Variants in SPTBN1 observed in about 807,000 individuals in gnomAD.
The protein encoded by SPTBN1 is spectrin beta chain, non-erythrocytic 1.
In SPTBN1, 32 loss-of-function variants were observed where a neutral mutation model predicts 266.4. The ratio of observed to expected loss-of-function variants is 0.12; its 90% confidence interval spans 0.09 to 0.16. SPTBN1 has a LOEUF of 0.16. Among genes scored for constraint, SPTBN1 ranks in the 10% least tolerant of loss-of-function variants. SPTBN1 has a pLI of 1.00. For synonymous variants in SPTBN1, 1,336 were observed against 1,162.2 expected (o/e 1.15, Z -3.04); for missense variants, 2,296 against 3,067.1 (o/e 0.75, Z 5.94).
intron 32 of SPTBN1, chr2:54,662,004 C>T: frequency 1.0e-6 from 1 of 985,410 alleles, no homozygotes. Context: ...ACTCAGTGAA[C>T]TTGAAAATAG....
In SPTBN1 at chr2:54,628,938, A is replaced by G; in HGVS notation, c.1804A>G (p.Lys602Glu). 6.3e-7 allele frequency: 1 copy of G among 1,596,886 alleles called. No individual in the cohort carries two copies. The highest frequency in any genetic ancestry group is 8.5e-7 in the Non-Finnish European group (1 of 1,171,480). The change falls in exon 14 of 36, where the codon AAG (lysine) becomes GAG (glutamate). Residue 602 changes from lysine to glutamate, a missense_variant. Lys to Glu is a moderately conservative substitution (Grantham distance 56). This residue lies in a region of SPTBN1 where 434 missense variants were observed against 573.9 expected (regional missense o/e 0.76). Transcript: ENST00000356805. The surrounding 1 kb of genome is among the most constrained non-coding windows in gnomAD (Gnocchi z 4.3). Reference protein sequence around the residue: ...QKFATDGEGYKPCDPQVIRDR... With the variant: ...QKFATDGEGYEPCDPQVIRDR... The stretch of plus-strand genomic sequence containing the variant: ...CCTTCCTTGATGTTAAACAGGTTAC[A>G]AGCCCTGTGACCCCCAGGTGATCCG...
intron 2 of SPTBN1, among the ~76,000 whole-genome samples, chr2:54,568,552 C>G (rs1196085395): frequency 6.6e-6 from 1 of 152,036 alleles, no homozygotes; most frequent in Non-Finnish European, 1.5e-5. Flanking sequence ...TAGTATTGCT[C>G]TAGAAGATTA....
chr2:54,604,733 G>T (rs1676722714), intron 3 of SPTBN1, among the ~76,000 whole-genome samples: 1 of 152,148 alleles, frequency 6.6e-6, no homozygotes, highest in African/African-American at 2.4e-5. Flanking sequence ...GGCTGGTAAA[G>T]GTTTAGGACT....
chr2:54,477,508 G>A (rs1204468654), intron 1 of SPTBN1, among the ~76,000 whole-genome samples: 3 of 150,850 alleles, frequency 2.0e-5, no homozygotes, highest in African/African-American at 7.3e-5. Context: ...TTTCCTTTGT[G>A]AGTAAACAGG....
chr2:54,499,915 A>G (rs1669160950), intron 1 of SPTBN1, among the ~76,000 whole-genome samples: 2 of 152,242 alleles, frequency 1.3e-5, no homozygotes, highest in African/African-American at 4.8e-5. Flanking sequence ...TGCAGCTGTT[A>G]TGCTGGGTAC....
chr2:54,521,494 C>T (rs528245479), intron 1 of SPTBN1, among the ~76,000 whole-genome samples: 3 of 152,116 alleles, frequency 2.0e-5, no homozygotes, highest in Non-Finnish European at 2.9e-5. Flanking sequence ...TTGAGTGAAA[C>T]AGTTGAATAA....
chr2:54,664,680 A>G lies in SPTBN1; in HGVS notation c.6648A>G (p.Lys2216=). Residue 2216 remains lysine (K), a synonymous_variant, in exon 33 of 36, where the codon AAA becomes AAG. Coordinates refer to ENST00000356805, the MANE Select transcript of SPTBN1 (RefSeq NM_003128.3). This position sits in a 1 kb window ranked among gnomAD's most constrained non-coding sequence, Gnocchi z 5.6. ...ACGAGTGGGAGGCCCACAATAAGAA[A>G]GCCTCAAGCAGGTAACAGCAGCAGA... is the stretch of plus-strand genomic sequence containing the variant. ...RKHEWEAHNK[K]ASSRSWHNVY... is the part of the protein sequence containing the mutation. The G allele has an allele frequency of 6.2e-7, 1 of 1,614,076 alleles. No homozygotes were observed. The highest frequency in any genetic ancestry group is 8.5e-7 in the Non-Finnish European group (1 of 1,179,964).
At chr2:54,593,609 C>T (rs1470817250) in intron 2 of SPTBN1, among the ~76,000 whole-genome samples, 1 of 151,808 alleles carries the variant, frequency 6.6e-6, no homozygotes, top group Non-Finnish European at 1.5e-5. Context: ...AACCTGAGGG[C>T]CTTTACATGG....
At chr2:54,659,738 A>G (rs1680912439) in intron 31 of SPTBN1, among the ~76,000 whole-genome samples, 198 bp from the exon 32 acceptor site, 3 of 152,218 alleles carry the variant, frequency 2.0e-5, no homozygotes, top group Middle Eastern at 3.2e-3. Flanking sequence ...AGCGGGGCAT[A>G]GGGCATTCCT....
chr2:54,530,652 C>A (rs533290161), intron 2 of SPTBN1, among the ~76,000 whole-genome samples: 1 of 151,974 alleles, frequency 6.6e-6, no homozygotes, highest in Non-Finnish European at 1.5e-5. Flanking sequence ...CCACCGCGCC[C>A]GGCTTAAAAA....
chr2:54,658,290 C>T (rs984733464), intron 30 of SPTBN1, among the ~76,000 whole-genome samples: 1 of 152,110 alleles, frequency 6.6e-6, no homozygotes, highest in African/African-American at 2.4e-5. Context: ...TAGCTTCCTG[C>T]CTGGGGGTTG....
chr2:54,640,735 A>G (rs1679476048), intron 18 of SPTBN1, among the ~76,000 whole-genome samples: 1 of 152,180 alleles, frequency 6.6e-6, no homozygotes, highest in Non-Finnish European at 1.5e-5. Flanking sequence ...TATTTTTAGT[A>G]GAGACGAGGT....
intron 3 of SPTBN1, among the ~76,000 whole-genome samples, chr2:54,607,844 C>T (rs1676951607): frequency 6.6e-6 from 1 of 152,126 alleles, no homozygotes; most frequent in African/African-American, 2.4e-5. Context: ...TCAAGGTCAA[C>T]CACATTCTTC....
chr2:54,557,452 C>G (rs1672952554), intron 2 of SPTBN1, among the ~76,000 whole-genome samples: 1 of 152,116 alleles, frequency 6.6e-6, no homozygotes, highest in African/African-American at 2.4e-5. Context: ...CCCAAGAATA[C>G]ATTTTGATCA....
At chr2:54,577,827 A>G (rs1558861351) in intron 2 of SPTBN1, among the ~76,000 whole-genome samples, 1 of 152,186 alleles carries the variant, frequency 6.6e-6, no homozygotes, top group East Asian at 1.9e-4. Flanking sequence ...TGTAGATCCC[A>G]CATTAGGATT....
chr2:54,627,399 G>A (rs1443128448), intron 12 of SPTBN1, among the ~76,000 whole-genome samples: 1 of 152,160 alleles, frequency 6.6e-6, no homozygotes, highest in Non-Finnish European at 1.5e-5. Context: ...CCCAAATTTC[G>A]CTGGTTGATG....
intron 1 of SPTBN1, among the ~76,000 whole-genome samples, chr2:54,470,883 C>A (rs1693885504): frequency 6.6e-6 from 1 of 152,190 alleles, no homozygotes; most frequent in South Asian, 2.1e-4. Flanking sequence ...ACAATCTTGT[C>A]CAACCTACAG....
Position 54,668,649 on chromosome 2 carries a change from T to C in SPTBN1, c.*80T>C. ...TGCAAGCTCAGAACCAACACATTAC[T>C]CTCTGTGCCTAATGTTCCTCAATGT... On this transcript the variant is annotated 3_prime_UTR_variant, in exon 36 of 36. Coordinates refer to ENST00000356805, the MANE Select transcript of SPTBN1 (RefSeq NM_003128.3). 1 of 1,169,922 alleles carries C rather than the reference T, an allele frequency of 8.5e-7. No homozygotes were observed. The highest frequency in any genetic ancestry group is 1.2e-6 in the Non-Finnish European group (1 of 854,112). The allele number at this position is 1,169,922 out of a possible 1,614,324, so 72.5% of individuals were successfully genotyped here. A position where few individuals can be genotyped will look rare whatever the true frequency, so the allele number is the denominator to read the frequency against.
Position 54,610,177 on chromosome 2 carries a change from C to G in SPTBN1, c.301-1984C>G, listed in dbSNP as rs528762983. Among the ~76,000 whole-genome samples the G allele has an allele frequency of 4.0e-5, 6 of 151,568 alleles. No homozygotes were observed. In the East Asian group the frequency reaches 1.2e-3, roughly 29 times the overall value. On this transcript the variant is annotated intron_variant, in intron 3 of 35. Transcript: ENST00000356805. ...ATTCCTTGACATTTTTTAAGCCAAA[C>G]CTCTTTCCGAAATTATCAGACTGGG...
Sources: gnomAD v4.1 joint callset for allele counts (sites outside exome capture counted in the v4.1 genomes callset) on GRCh38, gnomAD v4.1.1 for gene constraint, gnomAD v4.1.1 regional missense constraint, Gnocchi (gnomAD v3.1) non-coding constraint, MANE v1.5 for transcripts, NCBI Gene and HGNC (gene_info 2026-07-23, HGNC 2026-07-21) for gene names.